The following FYB1 variants were observed in gnomAD, a reference collection of about 807,000 sequenced individuals.
FYB1 encodes the protein FYN binding protein 1.
A neutral mutation model predicts 94.1 loss-of-function variants in FYB1; 41 were observed. The ratio of observed to expected loss-of-function variants is 0.44; its 90% CI spans 0.34 to 0.57. The LOEUF (loss-of-function observed/expected upper bound fraction) is 0.57. FYB1 is among the 20% of genes least tolerant of loss of function. FYB1 has a pLI of 0.02. For synonymous variants in FYB1, 367 were observed against 353.2 expected, an observed-to-expected ratio of 1.04 and a Z score of -0.44; for missense variants, 1,050 against 976.8, an observed-to-expected ratio of 1.07 and a Z score of -1.00.
intron 1 of FYB1, chr5:39,270,527 T>C (rs1208867890): frequency 6.6e-7 from 1 of 1,522,964 alleles, no homozygotes. Flanking sequence ...GAGTAGCACA[T>C]TTGCCAGGAG....
chr5:39,134,374 T>G (rs143895160), intron 8 of FYB1, 25 bp from the exon 9 acceptor site: 2 of 1,551,926 alleles, frequency 1.3e-6, no homozygotes, highest in East Asian at 4.5e-5. Flanking sequence ...AATATTTATG[T>G]TCAGGCAACT....
intron 17 of FYB1, 86 bp from the exon 18 acceptor site, chr5:39,108,348 A>G: frequency 8.3e-7 from 1 of 1,206,708 alleles, no homozygotes; most frequent in South Asian, 1.6e-5. Context: ...GTAACAGTAT[A>G]ATTTTATAAG....
At chr5:39,210,728 T>C (rs570980573) in intron 1 of FYB1, among the ~76,000 whole-genome samples, 2 of 152,316 alleles carry the variant, frequency 1.3e-5, no homozygotes, top group Non-Finnish European at 2.9e-5. Context: ...TACGACTTTC[T>C]AGCCAGGCAT....
At chr5:39,179,263 A>G (rs1012044484) in intron 2 of FYB1, among the ~76,000 whole-genome samples, 4 of 152,208 alleles carry the variant, frequency 2.6e-5, no homozygotes, top group African/African-American at 7.2e-5. Flanking sequence ...ATTCAAACCC[A>G]GACAGCCTGG....
intron 16 of FYB1, among the ~76,000 whole-genome samples, chr5:39,116,508 G>A (rs1180936722): frequency 6.6e-6 from 1 of 152,142 alleles, no homozygotes; most frequent in Non-Finnish European, 1.5e-5. Context: ...GAGGACAGGA[G>A]GCCTGTAGTA....
rs1313975399 is a variant in FYB1, at chr5:39,106,459, G to T, written c.*984C>A. The T allele has an allele frequency of 6.6e-6, 1 of 151,848 alleles. No homozygotes were observed. Among genetic ancestry groups the T allele is most frequent in the African/African-American group, 2.4e-5 (1 of 41,318 alleles). The allele number at this position is 151,848 out of a possible 1,614,324, so 9.4% of individuals were successfully genotyped here. On this transcript the variant is annotated 3_prime_UTR_variant, in exon 19 of 19. Transcript: ENST00000512982. The stretch of plus-strand genomic sequence containing the variant: ...GGAATGAGTATGTACTGTTAGAGAA[G>T]GGCCCAATCCAAACACTAGAATTTT...
rs534346676 is a variant in FYB1, at chr5:39,109,350, C to T, written c.2435+1006G>A. On this transcript the variant is annotated intron_variant, in intron 17 of 18. Coordinates refer to ENST00000512982, the MANE Select transcript of FYB1 (RefSeq NM_001465.6). ...AGTATTCGCTTCAATAGGTGGTGAA[C>T]CAACAATTACTTACAGAGTATGCTT... 3.7e-4 allele frequency among the ~76,000 whole-genome samples: 57 copies of T among 152,126 alleles called. 1 individual carries two copies. Among genetic ancestry groups the T allele is most frequent in the African/African-American group, 1.3e-3 (56 of 41,518 alleles).
intron 1 of FYB1, among the ~76,000 whole-genome samples, chr5:39,214,356 A>T (rs1377661671): frequency 1.3e-5 from 2 of 152,350 alleles, no homozygotes; most frequent in East Asian, 1.9e-4. Flanking sequence ...TTAAGCATAG[A>T]ATGACCAAAT....
chr5:39,262,795 G>T (rs266914), intron 1 of FYB1, among the ~76,000 whole-genome samples: 147,601 of 152,250 alleles, frequency 0.97, 71,713 homozygotes, highest in East Asian at 1. Context: ...AGAAGGCAAA[G>T]TGCAGAAATC....
intron 2 of FYB1, among the ~76,000 whole-genome samples, chr5:39,166,065 A>G (rs867584233): frequency 1.3e-5 from 2 of 152,230 alleles, no homozygotes; most frequent in Non-Finnish European, 2.9e-5. Context: ...TAGAGAAAAC[A>G]GTATGGAAAT....
At chr5:39,274,505 C>T (rs1267666843) in exon 1 of FYB1, 1 of 152,026 alleles carries the variant, frequency 6.6e-6, no homozygotes, top group Non-Finnish European at 1.5e-5. Context: ...ATATGTTTGC[C>T]CTTTATGGTT....
At chr5:39,229,744 A>G (rs1484401373) in intron 1 of FYB1, among the ~76,000 whole-genome samples, 1 of 152,162 alleles carries the variant, frequency 6.6e-6, no homozygotes, top group East Asian at 1.9e-4. Context: ...TCAGGTTTAG[A>G]GAGGTAAAGT....
chr5:39,177,357 A>C (rs1164610025), intron 2 of FYB1, among the ~76,000 whole-genome samples: 4 of 152,142 alleles, frequency 2.6e-5, no homozygotes, highest in African/African-American at 9.7e-5. Context: ...CTGTTCCTTT[A>C]AATTCACAGA....
intron 1 of FYB1, among the ~76,000 whole-genome samples, chr5:39,207,187 T>C (rs1162259508): frequency 6.6e-6 from 1 of 152,210 alleles, no homozygotes; most frequent in Non-Finnish European, 1.5e-5. Context: ...TTCAAATTCA[T>C]TTGCAATTTC....
At chr5:39,142,497 C>G (rs1742278166) in intron 3 of FYB1, among the ~76,000 whole-genome samples, 1 of 152,106 alleles carries the variant, frequency 6.6e-6, no homozygotes, top group Admixed American at 6.5e-5. Context: ...TTGATTACCC[C>G]CTTTCTTCCA....
intron 1 of FYB1, among the ~76,000 whole-genome samples, chr5:39,227,295 A>G (rs1205778149): frequency 6.6e-6 from 1 of 152,208 alleles, no homozygotes; most frequent in Non-Finnish European, 1.5e-5. Context: ...TTTTGGTACA[A>G]CTGGAGAAAT....
intron 1 of FYB1, among the ~76,000 whole-genome samples, chr5:39,244,044 G>A (rs1751346738): frequency 1.3e-5 from 2 of 152,294 alleles, no homozygotes; most frequent in South Asian, 2.1e-4. Context: ...ATTTTGGGCT[G>A]AGACAATGGG....
intron 2 of FYB1, among the ~76,000 whole-genome samples, chr5:39,176,868 G>T (rs1745784477): frequency 6.6e-6 from 1 of 152,210 alleles, no homozygotes; most frequent in African/African-American, 2.4e-5. Flanking sequence ...GCAGCTAAAA[G>T]AAATGCACTG....
intron 2 of FYB1, among the ~76,000 whole-genome samples, chr5:39,199,569 A>C (rs1172789472): frequency 2.6e-5 from 4 of 152,198 alleles, no homozygotes; most frequent in Non-Finnish European, 5.9e-5. Flanking sequence ...ATGTGGAAAG[A>C]TATACAGGAT....
Sources: gnomAD v4.1 joint callset for allele counts (sites outside exome capture counted in the v4.1 genomes callset) on GRCh38, gnomAD v4.1.1 for gene constraint, MANE v1.5 for transcripts, NCBI Gene and HGNC (gene_info 2026-07-23, HGNC 2026-07-21) for gene names.